The following NEURL3 variants were observed in gnomAD, a reference collection of about 807,000 sequenced individuals.
The protein encoded by NEURL3 is E3 ubiquitin-protein ligase NEURL3.
Under a neutral mutation model 17.6 loss-of-function variants are expected in NEURL3, and 19 were observed. The ratio of observed to expected loss-of-function variants is 1.08; its 90% CI spans 0.75 to 1.58. The LOEUF is 1.58. Among genes scored for constraint, NEURL3 ranks in the 40% most tolerant of loss-of-function variants. The pLI is 0.00. For missense variants in NEURL3, 342 were observed against 379.6 expected (o/e 0.90, Z 0.82); for synonymous variants, 180 against 161.4 (o/e 1.11, Z -0.87).
upstream of NEURL3, among the ~76,000 whole-genome samples, chr2:96,507,309 C>G (rs1218169338): frequency 6.6e-6 from 1 of 152,190 alleles, no homozygotes; most frequent in Non-Finnish European, 1.5e-5. Context: ...CCAAAGGCCC[C>G]TGTGTCATGT....
Position 96,505,244 on chromosome 2 carries a change from A to T in NEURL3, c.28+15T>A. The T allele has an allele frequency of 6.3e-7, 1 of 1,599,124 alleles. No homozygotes were observed. The highest frequency in any genetic ancestry group is 8.5e-7 in the Non-Finnish European group (1 of 1,179,750). ...TCCAGAGACCAAGCTCCAGGCTTGC[A>T]GGAGGTCTACTTACTGGCCTCGAAG... On this transcript the variant is annotated intron_variant, in intron 1 of 3. Coordinates refer to ENST00000451794, the MANE Select transcript of NEURL3 (RefSeq NM_001285485.2).
At position 96,500,657 on chromosome 2, in the gene NEURL3, G is replaced by C. The variant is rs1346011708; in HGVS notation, c.296C>G (p.Pro99Arg). The change falls in exon 2 of 4, where the codon CCC becomes CGC. Residue 99 changes from proline to arginine, a missense_variant. By Grantham distance (103) the Pro-to-Arg change is moderately radical. Transcript: ENST00000451794. Reference sequence around the variant, plus strand: ...CGTCGGGCTCTGCTCCTCCAGGTCGGGGCACAGGAAGGGCGGCAGGCTGGG... The same window carrying C: ...CGTCGGGCTCTGCTCCTCCAGGTCGCGGCACAGGAAGGGCGGCAGGCTGGG... ...SVPSLPPFLC[P>R]DLEEQSPTWA... The C allele has an allele frequency of 1.3e-6, 2 of 1,519,466 alleles. No individual in the cohort carries two copies. The highest frequency in any genetic ancestry group is 1.8e-6 in the Non-Finnish European group (2 of 1,140,708). 94.1% of individuals were successfully genotyped at this position (1,519,466 alleles called of 1,614,324 possible). A position where few individuals can be genotyped will look rare whatever the true frequency, so the allele number is the denominator to read the frequency against.
chr2:96,499,530 T>G, intron 2 of NEURL3, 81 bp from the exon 3 acceptor site: 1 of 1,282,754 alleles, frequency 7.8e-7, no homozygotes, highest in South Asian at 1.2e-5. Flanking sequence ...CGCAGCAAAG[T>G]GTCCGGTCTC....
chr2:96,505,141 C>T, intron 1 of NEURL3, 118 bp downstream of exon 1: 1 of 1,227,200 alleles, frequency 8.1e-7, no homozygotes, highest in Non-Finnish European at 1.1e-6. Context: ...GGGACCCCAC[C>T]AGCCCCCTAA....
At chr2:96,506,684 G>A (rs989131189), upstream of NEURL3, among the ~76,000 whole-genome samples, 2 of 152,282 alleles carry the variant, frequency 1.3e-5, no homozygotes, top group African/African-American at 2.4e-5. Flanking sequence ...GCTGCCTTGG[G>A]TGGTTCCCCA....
chr2:96,505,032 G>A (rs754558507), intron 1 of NEURL3, among the ~76,000 whole-genome samples: 27 of 152,010 alleles, frequency 1.8e-4, no homozygotes, highest in Non-Finnish European at 3.2e-4. Flanking sequence ...AAAGATCCCT[G>A]TAAGCCAGCA....
Position 96,504,877 on chromosome 2 carries a change from CAAAAAAAA to C in NEURL3, c.28+374_28+381del, listed in dbSNP as rs1157285400. ...TGGGCAACAGAGCGAGACTCCGTCT[CAAAAAAAA>C]AAAAAAAAAAAAAAAGACCAGGTCC... is the stretch of plus-strand genomic sequence containing the variant. On this transcript the variant is annotated intron_variant, in intron 1 of 3. Transcript: ENST00000451794. Among the ~76,000 whole-genome samples the C allele has an allele frequency of 2.4e-4, 13 of 55,286 alleles. 1 individual carries two copies. In the East Asian group the frequency reaches 5.4e-3, roughly 23 times the overall value. The allele number at this position is 55,286 out of a possible 152,430, so 36.3% of individuals were successfully genotyped here. A position where few individuals can be genotyped will look rare whatever the true frequency, so the allele number is the denominator to read the frequency against.
intron 1 of NEURL3, 43 bp from the exon 2 acceptor site, chr2:96,500,967 G>A: frequency 6.8e-7 from 1 of 1,477,956 alleles, no homozygotes; most frequent in East Asian, 2.5e-5. Context: ...ACCGGGTCTG[G>A]ACCCACCAGC....
chr2:96,498,214 G>A lies in NEURL3; in HGVS notation c.*30C>T, dbSNP rs779723733. 102 of 1,510,440 alleles carry A rather than the reference G, an allele frequency of 6.8e-5. No homozygotes were observed. Among genetic ancestry groups the A allele is most frequent in the African/African-American group, 2.3e-4 (17 of 72,456 alleles). 93.6% of individuals were successfully genotyped at this position (1,510,440 alleles called of 1,614,324 possible). A position where few individuals can be genotyped will look rare whatever the true frequency, so the allele number is the denominator to read the frequency against. Reference sequence around the variant, plus strand: ...AGGGGCCAGACTCAGATCTAGGCCCGGGCTGCCACTCATACTGGGAAGCCT... The same window carrying A: ...AGGGGCCAGACTCAGATCTAGGCCCAGGCTGCCACTCATACTGGGAAGCCT... On this transcript the variant is annotated 3_prime_UTR_variant, in exon 4 of 4. Transcript: ENST00000451794. This position sits in a 1 kb window ranked among gnomAD's most constrained non-coding sequence, Gnocchi z 4.4.
At position 96,498,239 on chromosome 2, in the gene NEURL3, T is replaced by C. The variant is rs2065462838; in HGVS notation, c.*5A>G. ...GGGCTGCCACTCATACTGGGAAGCC[T>C]CCTTTCATGAGCCTTCCTCAACCCT... On this transcript the variant is annotated 3_prime_UTR_variant, in exon 4 of 4. Coordinates refer to ENST00000451794, the MANE Select transcript of NEURL3 (RefSeq NM_001285485.2). The surrounding 1 kb of genome is among the most constrained non-coding windows in gnomAD (Gnocchi z 4.4). The C allele has an allele frequency of 1.9e-6, 3 of 1,538,908 alleles. No homozygotes were observed. Among genetic ancestry groups the C allele is most frequent in the Non-Finnish European group, 2.6e-6 (3 of 1,147,770 alleles).
rs556726268 is a variant in NEURL3, at chr2:96,498,931, C to T, written c.586+447G>A. 6.6e-6 allele frequency among the ~76,000 whole-genome samples: 1 copy of T among 152,160 alleles called. No individual in the cohort carries two copies. The highest frequency in any genetic ancestry group is 2.4e-5 in the African/African-American group (1 of 41,422). On this transcript the variant is annotated intron_variant, in intron 3 of 3. Transcript: ENST00000451794. The surrounding 1 kb of genome is among the most constrained non-coding windows in gnomAD (Gnocchi z 4.4). ...TAGCTGGGGCCACAGACATGCACCA[C>T]CACACTCAGCTAATTTTTGTACTTT...
intron 2 of NEURL3, chr2:96,500,174 T>A (rs188290123): frequency 6.2e-5 from 32 of 516,292 alleles, no homozygotes; most frequent in Admixed American, 3.5e-5. Flanking sequence ...TAAAAGGAGA[T>A]GGACACTCTA....
chr2:96,506,324 G>C (rs2104619154), upstream of NEURL3, among the ~76,000 whole-genome samples: 1 of 152,260 alleles, frequency 6.6e-6, no homozygotes, highest in Non-Finnish European at 1.5e-5. Flanking sequence ...TCCCACCTCA[G>C]CCTCCTGAGT....
In NEURL3 at chr2:96,505,311, T is replaced by TC; in HGVS notation, c.-26dup. The TC allele has an allele frequency of 6.3e-7, 1 of 1,598,922 alleles. No individual in the cohort carries two copies. Among genetic ancestry groups the TC allele is most frequent in the Non-Finnish European group, 8.5e-7 (1 of 1,179,714 alleles). On this transcript the variant is annotated 5_prime_UTR_variant, in exon 1 of 4. Transcript: ENST00000451794. ...TCAGTCTAAGGTCCTCGGGCACAGG[T>TC]CCCCAGGTCTAGAAGGAACTGCCTG...
At chr2:96,506,418 G>A (rs569937072), upstream of NEURL3, among the ~76,000 whole-genome samples, 1 of 152,340 alleles carries the variant, frequency 6.6e-6, no homozygotes, top group African/African-American at 2.4e-5. Context: ...GGCCCAGGCT[G>A]GTCTCAAACT....
chr2:96,500,958 C>G, intron 1 of NEURL3, 34 bp from the exon 2 acceptor site: 2 of 1,522,154 alleles, frequency 1.3e-6, no homozygotes, highest in East Asian at 4.8e-5. Flanking sequence ...TCAGTGCTAA[C>G]CGGGTCTGGA....
In NEURL3 at chr2:96,500,473, G is replaced by T. The variant is rs1319567186; in HGVS notation, c.480C>A (p.Asp160Glu). Residue 160 changes from aspartate (D) to glutamate (E), a missense_variant, in exon 2 of 4, where the codon GAC (aspartate) becomes GAA (glutamate). Transcript: ENST00000451794. ...CGATGGCCTTAGTGGTCCCATACACGTCCATCACGGCCCAGAGCGGGGCGC... is the reference window on the plus strand; with the variant it reads ...CGATGGCCTTAGTGGTCCCATACACTTCCATCACGGCCCAGAGCGGGGCGC... ...PVGAPLWAVM[D>E]VYGTTKAIEL... The T allele has an allele frequency of 1.9e-6, 3 of 1,596,706 alleles. No individual in the cohort carries two copies. Among genetic ancestry groups the T allele is most frequent in the Non-Finnish European group, 2.5e-6 (3 of 1,179,112 alleles).
In NEURL3 at chr2:96,498,718, T is replaced by C. The variant is rs1353413830; in HGVS notation, c.587-272A>G. 6.6e-6 allele frequency among the ~76,000 whole-genome samples: 1 copy of C among 151,784 alleles called. No individual in the cohort carries two copies. Among genetic ancestry groups the C allele is most frequent in the Non-Finnish European group, 1.5e-5 (1 of 67,956 alleles). ...CGTCTATATCGATGACCGAAAATAC[T>C]GGGAGGAAATCCACCCAAGAGGTAA... On this transcript the variant is annotated intron_variant, in intron 3 of 3. Transcript: ENST00000451794. The surrounding 1 kb of genome is among the most constrained non-coding windows in gnomAD (Gnocchi z 4.4).
At chr2:96,503,070 G>C (rs1400930734) in intron 1 of NEURL3, among the ~76,000 whole-genome samples, 1 of 152,184 alleles carries the variant, frequency 6.6e-6, no homozygotes, top group Non-Finnish European at 1.5e-5. Context: ...CGGGACAGAG[G>C]CTGGCTCCAT....
Sources: allele counts gnomAD v4.1 joint callset (sites outside exome capture counted in the v4.1 genomes callset), GRCh38; gene constraint gnomAD v4.1.1; non-coding constraint Gnocchi (gnomAD v3.1); transcripts MANE v1.5; gene names NCBI Gene and HGNC (gene_info 2026-07-23, HGNC 2026-07-21).